BLM: variants seen among roughly 807,000 people sequenced by gnomAD.
BLM encodes recQ-like DNA helicase BLM.
Under a neutral mutation model 135.3 loss-of-function variants are expected in BLM, and 95 were observed. The ratio of observed to expected loss-of-function variants is 0.70; its 90% confidence interval spans 0.59 to 0.83. The LOEUF (loss-of-function observed/expected upper bound fraction) is 0.83. Among genes scored for constraint, BLM ranks in the 40% least tolerant of loss-of-function variants. BLM has a pLI of 0.00. For missense variants in BLM, 1,518 were observed against 1,663.9 expected (o/e 0.91, Z 1.53); for synonymous variants, 520 against 589.2 (o/e 0.88, Z 1.70).
chr15:90,767,047 A>T, intron 10 of BLM, 24 bp downstream of exon 10: 1 of 1,374,772 alleles, frequency 7.3e-7, no homozygotes. Flanking sequence ...TCATTATTTT[A>T]AAATATATTA....
intron 16 of BLM, among the ~76,000 whole-genome samples, chr15:90,797,173 G>A (rs925096417): frequency 3.9e-5 from 6 of 152,020 alleles, no homozygotes; most frequent in Admixed American, 2.0e-4. Flanking sequence ...CAGCACTTTG[G>A]GAGGCTGAGG....
At chr15:90,808,559 A>G (rs1003299490) in intron 19 of BLM, among the ~76,000 whole-genome samples, 25 of 152,234 alleles carry the variant, frequency 1.6e-4, no homozygotes, top group African/African-American at 4.8e-4. Flanking sequence ...TGGCCTTTAA[A>G]TGACAGGCTT....
At chr15:90,810,181 T>C (rs971661595) in intron 20 of BLM, among the ~76,000 whole-genome samples, 6 of 150,868 alleles carry the variant, frequency 4.0e-5, no homozygotes, top group Non-Finnish European at 7.4e-5. Flanking sequence ...GCCTCCCCAG[T>C]AGCTGAGACT....
chr15:90,747,170 C>T (rs545037974), intron 1 of BLM, among the ~76,000 whole-genome samples: 1 of 142,102 alleles, frequency 7.0e-6, no homozygotes, highest in South Asian at 2.2e-4. Context: ...TCAAGTGAGC[C>T]TTCAGTTAGT....
In BLM at chr15:90,760,853, A is replaced by G. The variant is rs1596229967; in HGVS notation, c.1480A>G (p.Thr494Ala). Reference sequence around the variant, plus strand: ...TCTTTTTGAAAGGCCTTTATTCAATACCCATTTACAGAAGTCCTTTGTAAG... The same window carrying G: ...TCTTTTTGAAAGGCCTTTATTCAATGCCCATTTACAGAAGTCCTTTGTAAG... Reference protein sequence around the residue: ...KNLFERPLFNTHLQKSFVSSN... With the variant: ...KNLFERPLFNAHLQKSFVSSN... Residue 494 changes from threonine (T) to alanine (A), a missense_variant, in exon 7 of 22, where the codon ACC becomes GCC. Transcript: ENST00000355112. The G allele has an allele frequency of 6.2e-7, 1 of 1,613,974 alleles. No homozygotes were observed. Among genetic ancestry groups the G allele is most frequent in the African/African-American group, 1.3e-5 (1 of 74,926 alleles).
At position 90,815,155 on chromosome 15, in the gene BLM, T is replaced by A; in HGVS notation, c.4130T>A (p.Ile1377Asn). 1 of 1,614,218 alleles carries A rather than the reference T, an allele frequency of 6.2e-7. No individual in the cohort carries two copies. Among genetic ancestry groups the A allele is most frequent in the Non-Finnish European group, 8.5e-7 (1 of 1,180,038 alleles). The change falls in exon 22 of 22, where the codon ATT becomes AAT. Residue 1377 changes from isoleucine (I) to asparagine (N), a missense_variant. Ile to Asn is a moderately radical substitution (Grantham distance 149). Transcript: ENST00000355112. This position sits in a 1 kb window ranked among gnomAD's most constrained non-coding sequence, Gnocchi z 4.6. ...TCCAAAACGAAATCCTCCAGCATCA[T>A]TGGATCCAGTTCAGCCTCACATACT... ...ISSKTKSSSI[I>N]GSSSASHTSQ...
chr15:90,794,437 C>T, intron 16 of BLM, 80 bp downstream of exon 16: 2 of 1,167,694 alleles, frequency 1.7e-6, no homozygotes, highest in South Asian at 3.3e-5. Flanking sequence ...AATTAGATTG[C>T]AAAAGGTGGT....
chr15:90,801,010 CT>C (rs1479671865), intron 17 of BLM, among the ~76,000 whole-genome samples: 2 of 151,844 alleles, frequency 1.3e-5, no homozygotes, highest in African/African-American at 2.4e-5. Flanking sequence ...TTAGCCGGGA[CT>C]GATGTTGTGC....
intron 1 of BLM, among the ~76,000 whole-genome samples, chr15:90,725,450 A>T (rs941548592): frequency 5.9e-5 from 9 of 151,300 alleles, no homozygotes; most frequent in Non-Finnish European, 1.2e-4. Context: ...ATTAGTGAAG[A>T]TGAGTACCCT....
intron 1 of BLM, among the ~76,000 whole-genome samples, chr15:90,727,982 T>C (rs1018852012): frequency 6.6e-6 from 1 of 152,198 alleles, no homozygotes; most frequent in Admixed American, 6.6e-5. Context: ...TCTTCCAATG[T>C]GAATGTGGTT....
chr15:90,749,984 A>T lies in BLM; in HGVS notation c.716A>T (p.Asp239Val), dbSNP rs751699247. 3 of 1,614,238 alleles carry T rather than the reference A, an allele frequency of 1.9e-6. No individual in the cohort carries two copies. Among genetic ancestry groups the T allele is most frequent in the Non-Finnish European group, 2.5e-6 (3 of 1,180,038 alleles). The change falls in exon 3 of 22, where the codon GAT becomes GTT. Residue 239 changes from aspartate (D) to valine (V), a missense_variant. By Grantham distance (152) the Asp-to-Val change is radical (BLOSUM62 -3). Coordinates refer to ENST00000355112, the MANE Select transcript of BLM (RefSeq NM_000057.4). ...EWLSSDVICI[D>V]DGPIAEVHIN... ...TTAAGCAGCGATGTGATTTGCATCG[A>T]TGATGGCCCCATTGCTGAAGTGCAT...
At chr15:90,798,470 T>A in intron 17 of BLM, 133 bp downstream of exon 17, 1 of 884,166 alleles carries the variant, frequency 1.1e-6, no homozygotes, top group Non-Finnish European at 1.7e-6. Context: ...AACTTTTAAG[T>A]AACAAAAGAA....
At chr15:90,727,794 G>C (rs956345872) in intron 1 of BLM, among the ~76,000 whole-genome samples, 3 of 151,650 alleles carry the variant, frequency 2.0e-5, no homozygotes, top group Non-Finnish European at 4.4e-5. Flanking sequence ...TCCTTAAAGT[G>C]TTGATGATAT....
At position 90,785,016 on chromosome 15, in the gene BLM, G is replaced by T; in HGVS notation, c.2758G>T (p.Ala920Ser). 1 of 1,614,164 alleles carries T rather than the reference G, an allele frequency of 6.2e-7. No homozygotes were observed. Among genetic ancestry groups the T allele is most frequent in the Non-Finnish European group, 8.5e-7 (1 of 1,180,034 alleles). Residue 920 changes from alanine (A) to serine (S), a missense_variant, in exon 14 of 22, where the codon GCT (alanine) becomes TCT (serine). Ala to Ser is a moderately conservative substitution (Grantham distance 99). Coordinates refer to ENST00000355112, the MANE Select transcript of BLM (RefSeq NM_000057.4). ...TGGGCTCGCTGCTCTTGCTTACCATGCTGGCCTCAGTGATTCTGCCAGAGA... is the reference window on the plus strand; with the variant it reads ...TGGGCTCGCTGCTCTTGCTTACCATTCTGGCCTCAGTGATTCTGCCAGAGA... Reference protein sequence around the residue: ...RDGLAALAYHAGLSDSARDEV... With the variant: ...RDGLAALAYHSGLSDSARDEV...
chr15:90,767,285 G>A (rs1050452351), intron 10 of BLM, among the ~76,000 whole-genome samples: 3 of 152,050 alleles, frequency 2.0e-5, no homozygotes, highest in East Asian at 1.9e-4. Flanking sequence ...TAAAAACAAC[G>A]TATTCTCTCA....
rs1173883554 is a variant in BLM at position 90,725,801 on chromosome 15, G to A, written c.-5+8361G>A. Among the ~76,000 whole-genome samples, 17 of 151,464 alleles carry A rather than the reference G, an allele frequency of 1.1e-4. No individual in the cohort carries two copies. In the East Asian group the frequency reaches 1.6e-3, roughly 14 times the overall value. The stretch of plus-strand genomic sequence containing the variant: ...GCTGGGATTACAGGCGTGAGCCACC[G>A]CGCCCAGCCTACAGTCCCTTTTTTT... On this transcript the variant is annotated intron_variant, in intron 1 of 21. Transcript: ENST00000355112.
At chr15:90,719,509 G>A (rs1317149864) in intron 1 of BLM, among the ~76,000 whole-genome samples, 11 of 152,106 alleles carry the variant, frequency 7.2e-5, no homozygotes, top group Non-Finnish European at 1.5e-4. Flanking sequence ...GCTGAGGCAC[G>A]AGAATCGCTT....
At chr15:90,782,086 C>G (rs560844995) in intron 12 of BLM, among the ~76,000 whole-genome samples, 11 of 152,116 alleles carry the variant, frequency 7.2e-5, no homozygotes, top group Non-Finnish European at 1.6e-4. Flanking sequence ...CGACAATATT[C>G]AACTTAAGAC....
chr15:90,804,106 C>G, intron 18 of BLM, 61 bp from the exon 19 acceptor site: 1 of 1,475,628 alleles, frequency 6.8e-7, no homozygotes, highest in Non-Finnish European at 9.4e-7. Context: ...TTAAATAAAG[C>G]CCCTGTATGG....
Sources: gnomAD v4.1 joint callset for allele counts (sites outside exome capture counted in the v4.1 genomes callset) on GRCh38, gnomAD v4.1.1 for gene constraint, Gnocchi (gnomAD v3.1) non-coding constraint, MANE v1.5 for transcripts, NCBI Gene and HGNC (gene_info 2026-07-23, HGNC 2026-07-21) for gene names.